GALNT10: variants seen among roughly 807,000 people sequenced by gnomAD.
GALNT10 encodes polypeptide N-acetylgalactosaminyltransferase 10.
GALNT10 carries 41 observed loss-of-function variants against 75.0 expected under a neutral mutation model. That is an observed-to-expected ratio of 0.55 (90% CI 0.43 to 0.71). The LOEUF (loss-of-function observed/expected upper bound fraction) is 0.71. GALNT10 is among the 30% of genes least tolerant of loss of function. GALNT10 has a pLI of 0.00. For synonymous variants in GALNT10, 302 were observed against 313.0 expected (o/e 0.96, Z 0.37); for missense variants, 727 against 818.5 (o/e 0.89, Z 1.36).
Position 154,240,426 on chromosome 5 carries a change from C to T in GALNT10, c.159+49401C>T, listed in dbSNP as rs889896991. Among the ~76,000 whole-genome samples the T allele has an allele frequency of 3.5e-4, 54 of 152,138 alleles. 1 individual carries two copies. In the Middle Eastern group the frequency reaches 0.01, roughly 29 times the overall value. On this transcript the variant is annotated intron_variant, in intron 1 of 11. Coordinates refer to ENST00000297107, the MANE Select transcript of GALNT10 (RefSeq NM_198321.4). ...TGCAAGTGTTAGTGAGGTCATAATCCCAGGTTAGAGTACTCAGTATGGGGT... is the reference window on the plus strand; with the variant it reads ...TGCAAGTGTTAGTGAGGTCATAATCTCAGGTTAGAGTACTCAGTATGGGGT...
At chr5:154,324,301 A>T (rs1178970001) in intron 3 of GALNT10, among the ~76,000 whole-genome samples, 2 of 152,190 alleles carry the variant, frequency 1.3e-5, no homozygotes, top group Non-Finnish European at 2.9e-5. Flanking sequence ...ATTGCCCTAG[A>T]CAGCCTTGCT....
intron 4 of GALNT10, among the ~76,000 whole-genome samples, chr5:154,353,647 G>C (rs566814572): frequency 2.6e-5 from 4 of 152,366 alleles, no homozygotes; most frequent in Non-Finnish European, 5.9e-5. Flanking sequence ...CATGGGCCCT[G>C]CCCTGAGGGC....
At chr5:154,360,102 A>G (rs772328952) in intron 4 of GALNT10, among the ~76,000 whole-genome samples, 11 of 152,270 alleles carry the variant, frequency 7.2e-5, no homozygotes, top group Non-Finnish European at 1.2e-4. Flanking sequence ...TCAGTAGGCT[A>G]AGGGAAATAA....
chr5:154,361,966 T>C lies in GALNT10; in HGVS notation c.569-14311T>C, dbSNP rs145106779. The stretch of plus-strand genomic sequence containing the variant: ...ATCACACCACCTGGCTTCTGGGTGA[T>C]GTGGGTCATCTATGGCTCCACCCAG... On this transcript the variant is annotated intron_variant, in intron 4 of 11. Coordinates refer to ENST00000297107, the MANE Select transcript of GALNT10 (RefSeq NM_198321.4). 1.2e-4 allele frequency among the ~76,000 whole-genome samples: 18 copies of C among 152,256 alleles called. No homozygotes were observed. In the East Asian group the frequency reaches 3.5e-3, roughly 29 times the overall value.
chr5:154,293,613 A>ATATTTTTTTTTTT, intron 1 of GALNT10, among the ~76,000 whole-genome samples: 2 of 109,360 alleles, frequency 1.8e-5, no homozygotes, highest in Admixed American at 7.9e-5. Context: ...ATATATATAT[A>ATATTTTTTTTTTT]TTTTTTTTTT....
intron 1 of GALNT10, among the ~76,000 whole-genome samples, chr5:154,234,193 T>A (rs1182106160): frequency 6.6e-6 from 1 of 152,224 alleles, no homozygotes; most frequent in Non-Finnish European, 1.5e-5. Flanking sequence ...AAATGCATTA[T>A]GTGCATGCTT....
At chr5:154,356,242 G>A (rs1755288346) in intron 4 of GALNT10, 2 of 456,016 alleles carry the variant, frequency 4.4e-6, no homozygotes, top group Admixed American at 4.7e-5. Flanking sequence ...ATTCCATTTG[G>A]AGACTTCTGC....
chr5:154,195,673 T>C (rs1774926668), intron 1 of GALNT10, among the ~76,000 whole-genome samples: 2 of 152,200 alleles, frequency 1.3e-5, no homozygotes, highest in African/African-American at 4.8e-5. Flanking sequence ...CAAGTTCCCA[T>C]AGGGAGGAAC....
chr5:154,284,510 T>A (rs1754085474), intron 1 of GALNT10, among the ~76,000 whole-genome samples: 1 of 152,250 alleles, frequency 6.6e-6, no homozygotes, highest in Non-Finnish European at 1.5e-5. Context: ...TGCCTTCTGA[T>A]GAGCTTTCCA....
chr5:154,324,459 G>A (rs552816851), intron 3 of GALNT10, among the ~76,000 whole-genome samples: 15 of 152,324 alleles, frequency 9.8e-5, no homozygotes, highest in South Asian at 4.1e-4. Flanking sequence ...CCACATGGGT[G>A]CAGCCTCTTC....
intron 7 of GALNT10, among the ~76,000 whole-genome samples, chr5:154,391,064 GT>G (rs1325092188): frequency 6.6e-6 from 1 of 152,200 alleles, no homozygotes; most frequent in Non-Finnish European, 1.5e-5. Context: ...GAAAAGGAGA[GT>G]TTCTGGAGCC....
intron 4 of GALNT10, among the ~76,000 whole-genome samples, chr5:154,358,926 A>G (rs559457082): frequency 6.6e-6 from 1 of 152,266 alleles, no homozygotes; most frequent in African/African-American, 2.4e-5. Context: ...CCCCTGCCTC[A>G]TTGAATATGC....
chr5:154,222,393 G>C (rs1466183867), intron 1 of GALNT10, among the ~76,000 whole-genome samples: 1 of 152,046 alleles, frequency 6.6e-6, no homozygotes, highest in Non-Finnish European at 1.5e-5. Flanking sequence ...ATTGTTTCTA[G>C]CTTTGGGTTA....
chr5:154,337,773 C>T (rs1431393647), intron 4 of GALNT10: 1 of 1,107,584 alleles, frequency 9.0e-7, no homozygotes, highest in East Asian at 2.4e-5. Context: ...GAAGTTTCAT[C>T]CATGACCAAA....
intron 7 of GALNT10, 67 bp from the exon 8 acceptor site, chr5:154,404,037 G>A: frequency 8.0e-7 from 1 of 1,247,754 alleles, no homozygotes; most frequent in East Asian, 2.3e-5. Context: ...ACTAAGGGAT[G>A]CTGGCCTGGC....
intron 1 of GALNT10, among the ~76,000 whole-genome samples, chr5:154,217,134 T>A (rs944734591): frequency 2.0e-5 from 3 of 152,318 alleles, no homozygotes; most frequent in South Asian, 2.1e-4. Flanking sequence ...TCCCTCAACC[T>A]CTGAGGTCAG....
intron 1 of GALNT10, among the ~76,000 whole-genome samples, chr5:154,260,543 C>T (rs1457809484): frequency 6.6e-6 from 1 of 152,122 alleles, no homozygotes; most frequent in Non-Finnish European, 1.5e-5. Flanking sequence ...CCAGGATGCA[C>T]CCCTTTTTAA....
intron 1 of GALNT10, among the ~76,000 whole-genome samples, chr5:154,227,175 A>G (rs960760432): frequency 6.6e-6 from 1 of 152,140 alleles, no homozygotes; most frequent in African/African-American, 2.4e-5. Flanking sequence ...TTCTGTGACC[A>G]TATGCTTTTA....
chr5:154,252,530 C>A (rs539134159), intron 1 of GALNT10, among the ~76,000 whole-genome samples: 11 of 152,190 alleles, frequency 7.2e-5, no homozygotes, highest in African/African-American at 2.4e-4. Context: ...ACTACCATTA[C>A]ACTATCTGGT....
Sources: allele counts gnomAD v4.1 joint callset (sites outside exome capture counted in the v4.1 genomes callset), GRCh38; gene constraint gnomAD v4.1.1; transcripts MANE v1.5; gene names NCBI Gene and HGNC (gene_info 2026-07-23, HGNC 2026-07-21).